The following TATDN2 variants were observed in gnomAD, a reference collection of about 807,000 sequenced individuals.
The protein encoded by TATDN2 is TatD DNase domain containing 2.
In TATDN2, 44 loss-of-function variants were observed where a neutral mutation model predicts 60.3. The observed-to-expected ratio is 0.73, with a 90% CI of 0.57 to 0.94. TATDN2 has a LOEUF of 0.94. Among genes scored for constraint, TATDN2 ranks in the 40% least tolerant of loss-of-function variants. The probability of loss-of-function intolerance (pLI) is 0.00; values close to 1 mark genes in which losing one functional copy is unlikely to be tolerated. For missense variants in TATDN2, 997 were observed against 948.0 expected (o/e 1.05, Z -0.68); for synonymous variants, 399 against 355.8 (o/e 1.12, Z -1.37).
chr3:10,265,226 A>G (rs1698460764), intron 3 of TATDN2, among the ~76,000 whole-genome samples: 1 of 147,714 alleles, frequency 6.8e-6, no homozygotes, highest in Non-Finnish European at 1.5e-5. Context: ...ACAGGCATGG[A>G]CCACCATGCC....
At chr3:10,273,121 G>A (rs945467152) in intron 4 of TATDN2, among the ~76,000 whole-genome samples, 1 of 152,216 alleles carries the variant, frequency 6.6e-6, no homozygotes, top group Admixed American at 6.5e-5. Flanking sequence ...GGCATAGGGG[G>A]ATAAACACAG....
intron 5 of TATDN2, among the ~76,000 whole-genome samples, chr3:10,277,601 T>C (rs1044697824): frequency 6.6e-6 from 1 of 152,200 alleles, no homozygotes; most frequent in Non-Finnish European, 1.5e-5. Context: ...TTTGGGTACC[T>C]AAGCAGAATG....
In TATDN2 at chr3:10,278,786, C is replaced by T. The variant is rs1698676321; in HGVS notation, c.2146-99C>T. 6.3e-7 allele frequency: 1 copy of T among 1,581,250 alleles called. No individual in the cohort carries two copies. ...GTAAAGGGGTCTCTACAGGGCAGCC[C>T]CAAAGAGGTCCTTGCTGGGGAAGGG... On this transcript the variant is annotated intron_variant, in intron 6 of 7. Transcript: ENST00000448281. The surrounding 1 kb of genome is among the most constrained non-coding windows in gnomAD (Gnocchi z 4.7).
At position 10,257,294 on chromosome 3, in the gene TATDN2, T is replaced by TTATA. The variant is rs3072531; in HGVS notation, c.415-2827_415-2824dup. On this transcript the variant is annotated intron_variant, in intron 2 of 7. Coordinates refer to ENST00000448281, the MANE Select transcript of TATDN2 (RefSeq NM_014760.4). Reference sequence around the variant, plus strand: ...AGTGAGATTTTGCCTCAAAAAAAAATTATATATATATATATATATGAATTC... The same window carrying TTATA: ...AGTGAGATTTTGCCTCAAAAAAAAATTATATATATATATATATATATATGAATTC... Among the ~76,000 whole-genome samples the TTATA allele has an allele frequency of 7.6e-4, 101 of 133,592 alleles. 2 individuals carry two copies. Among genetic ancestry groups the TTATA allele is most frequent in the East Asian group, 3.9e-3 (15 of 3,854 alleles). 87.6% of individuals were successfully genotyped at this position (133,592 alleles called of 152,430 possible). A position where few individuals can be genotyped will look rare whatever the true frequency, so the allele number is the denominator to read the frequency against.
At position 10,270,203 on chromosome 3, in the gene TATDN2, ACAGT is replaced by A; in HGVS notation, c.1025_1028del (p.Val342AspfsTer10). 6.2e-7 allele frequency: 1 copy of A among 1,614,216 alleles called. No individual in the cohort carries two copies. Among genetic ancestry groups the A allele is most frequent in the Non-Finnish European group, 8.5e-7 (1 of 1,180,036 alleles). On this transcript the variant is annotated frameshift_variant, in exon 4 of 8. Coordinates refer to ENST00000448281, the MANE Select transcript of TATDN2 (RefSeq NM_014760.4). LOFTEE classifies it high-confidence loss of function. ...CTGGTCTGATGTTGAGGAGATCTCC[ACAGT>A]CAGATTCTCTCAGGAGGAACCTGTC...
chr3:10,258,344 C>T (rs1698346597), intron 2 of TATDN2, among the ~76,000 whole-genome samples: 1 of 152,080 alleles, frequency 6.6e-6, no homozygotes, highest in South Asian at 2.1e-4. Context: ...GTGGCATGAT[C>T]TCGGCTTACT....
intron 2 of TATDN2, among the ~76,000 whole-genome samples, chr3:10,258,276 CT>C (rs550027110): frequency 6.6e-6 from 1 of 151,138 alleles, no homozygotes; most frequent in Non-Finnish European, 1.5e-5. Flanking sequence ...GCACCTAAGC[CT>C]TTGTTTGTTT....
chr3:10,278,624 T>G lies in TATDN2; in HGVS notation c.2145+162T>G, dbSNP rs751117405. On this transcript the variant is annotated intron_variant, in intron 6 of 7. Coordinates refer to ENST00000448281, the MANE Select transcript of TATDN2 (RefSeq NM_014760.4). This position sits in a 1 kb window ranked among gnomAD's most constrained non-coding sequence, Gnocchi z 4.7. ...CTGTTACTCTGCAGAACCAAAAGTC[T>G]AGGGGGCTGAGAAGCTGAAGGGTAA... 2.5e-5 allele frequency: 27 copies of G among 1,076,606 alleles called. No individual in the cohort carries two copies. Among genetic ancestry groups the G allele is most frequent in the Non-Finnish European group, 3.8e-5 (27 of 716,702 alleles). 66.7% of individuals were successfully genotyped at this position (1,076,606 alleles called of 1,614,324 possible).
At chr3:10,253,819 G>A (rs1698264276) in intron 2 of TATDN2, among the ~76,000 whole-genome samples, 1 of 152,216 alleles carries the variant, frequency 6.6e-6, no homozygotes, top group South Asian at 2.1e-4. Flanking sequence ...CTGGGCAGAT[G>A]AGATTCAGAA....
At chr3:10,274,361 G>T (rs924406773) in intron 4 of TATDN2, among the ~76,000 whole-genome samples, 1 of 151,406 alleles carries the variant, frequency 6.6e-6, no homozygotes, top group East Asian at 1.9e-4. Flanking sequence ...TGCACCTGTC[G>T]TAGGTTGGAT....
chr3:10,279,284 T>G lies in TATDN2; in HGVS notation c.*102T>G, dbSNP rs1063429. 4.9e-6 allele frequency: 2 copies of G among 404,130 alleles called. No individual in the cohort carries two copies. Among genetic ancestry groups the G allele is most frequent in the Non-Finnish European group, 9.0e-6 (2 of 221,778 alleles). The allele number at this position is 404,130 out of a possible 1,614,324, so 25.0% of individuals were successfully genotyped here. On this transcript the variant is annotated 3_prime_UTR_variant, in exon 8 of 8. Transcript: ENST00000448281. ...GTCTGTGTCTCAGGTCGAGGATGTG[T>G]TTAGAGAGCTGATTGGAACACAGAA...
chr3:10,263,734 C>T (rs919524394), intron 3 of TATDN2, among the ~76,000 whole-genome samples: 1 of 152,098 alleles, frequency 6.6e-6, no homozygotes, highest in African/African-American at 2.4e-5. Context: ...CTTTTGATCT[C>T]TTCTGTGTTA....
At chr3:10,268,937 T>G in intron 3 of TATDN2, among the ~76,000 whole-genome samples, 1 of 152,220 alleles carries the variant, frequency 6.6e-6, no homozygotes, top group East Asian at 1.9e-4. Context: ...AAATAACTTT[T>G]CTTTTGCTCT....
Position 10,257,294 on chromosome 3 carries a change from T to TTATATATATATATATATATATATATATA in TATDN2, c.415-2824_415-2823insATATATATATATATATATATATATATAT, listed in dbSNP as rs3072531. On this transcript the variant is annotated intron_variant, in intron 2 of 7. Transcript: ENST00000448281. Reference sequence around the variant, plus strand: ...AGTGAGATTTTGCCTCAAAAAAAAATTATATATATATATATATATGAATTC... The same window carrying TTATATATATATATATATATATATATATA: ...AGTGAGATTTTGCCTCAAAAAAAAATTATATATATATATATATATATATATATATATATATATATATATATATGAATTC... Among the ~76,000 whole-genome samples the TTATATATATATATATATATATATATATA allele has an allele frequency of 1.5e-3, 194 of 133,400 alleles. 1 individual carries two copies. The highest frequency in any genetic ancestry group is 4.0e-3 in the South Asian group (16 of 3,966). 87.5% of individuals were successfully genotyped at this position (133,400 alleles called of 152,430 possible).
Position 10,248,935 on chromosome 3 carries a change from T to G in TATDN2, c.-139T>G. The stretch of plus-strand genomic sequence containing the variant: ...TGGGCAAAGTGAAGGCTTCCTGATC[T>G]CAGAAGCACGTTGTGGGCTTGGAAA... On this transcript the variant is annotated 5_prime_UTR_variant, in exon 1 of 8. Transcript: ENST00000448281. 6 of 402,036 alleles carry G rather than the reference T, an allele frequency of 1.5e-5. No homozygotes were observed. Among genetic ancestry groups the G allele is most frequent in the Non-Finnish European group, 2.2e-5 (5 of 229,308 alleles). The allele number at this position is 402,036 out of a possible 1,614,324, so 24.9% of individuals were successfully genotyped here.
At chr3:10,275,755 A>G (rs1217762400) in intron 4 of TATDN2, among the ~76,000 whole-genome samples, 1 of 772 alleles carries the variant, frequency 1.3e-3, no homozygotes, top group African/African-American at 7.7e-3. Context: ...CAAAAAAACA[A>G]AACAAAACAA....
At chr3:10,264,593 T>A (rs896555169) in intron 3 of TATDN2, among the ~76,000 whole-genome samples, 1 of 152,214 alleles carries the variant, frequency 6.6e-6, no homozygotes, top group Non-Finnish European at 1.5e-5. Context: ...ATTTTATGCT[T>A]GGTCTTTCGG....
chr3:10,258,433 A>G (rs2125173571), intron 2 of TATDN2, among the ~76,000 whole-genome samples: 1 of 150,446 alleles, frequency 6.6e-6, no homozygotes, highest in Middle Eastern at 3.6e-3. Flanking sequence ...ATGTGCCACC[A>G]CGCCTGGCTA....
intron 2 of TATDN2, among the ~76,000 whole-genome samples, chr3:10,257,366 C>G (rs1377953916): frequency 6.7e-6 from 1 of 149,160 alleles, no homozygotes; most frequent in Non-Finnish European, 1.5e-5. Context: ...CGCGGTGGCT[C>G]ACACCTGTAA....
Sources: gnomAD v4.1 joint callset for allele counts (sites outside exome capture counted in the v4.1 genomes callset) on GRCh38, gnomAD v4.1.1 for gene constraint, Gnocchi (gnomAD v3.1) non-coding constraint, MANE v1.5 for transcripts, NCBI Gene and HGNC (gene_info 2026-07-23, HGNC 2026-07-21) for gene names.